XRN1: variants seen among roughly 807,000 people sequenced by gnomAD.
XRN1 encodes the protein 5'-3' exoribonuclease 1.
A neutral mutation model predicts 222.3 loss-of-function variants in XRN1; 67 were observed. That is an observed-to-expected ratio of 0.30 (90% CI 0.25 to 0.37). The LOEUF (loss-of-function observed/expected upper bound fraction) is 0.37, where lower values mean the gene tolerates loss of function less well. Among genes scored for constraint, XRN1 ranks in the 10% least tolerant of loss-of-function variants. XRN1 has a pLI of 1.00. For missense variants in XRN1, 1,707 were observed against 2,000.2 expected (o/e 0.85, Z 2.80); for synonymous variants, 643 against 652.4 (o/e 0.99, Z 0.22).
At chr3:142,313,946 A>C (rs1335265580) in intron 39 of XRN1, among the ~76,000 whole-genome samples, 1 of 152,182 alleles carries the variant, frequency 6.6e-6, no homozygotes, top group African/African-American at 2.4e-5. Context: ...GAAAAGTAGA[A>C]AATTAGGTCT....
At chr3:142,328,964 G>T (rs944300906) in intron 37 of XRN1, among the ~76,000 whole-genome samples, 2 of 151,198 alleles carry the variant, frequency 1.3e-5, no homozygotes, top group African/African-American at 2.4e-5. Flanking sequence ...TTGCTATGTT[G>T]CCCAGGCTGG....
At chr3:142,391,135 A>C (rs1204483025) in intron 20 of XRN1, among the ~76,000 whole-genome samples, 2 of 152,204 alleles carry the variant, frequency 1.3e-5, no homozygotes, top group African/African-American at 4.8e-5. Flanking sequence ...AATTACCAAA[A>C]TGTGACACAC....
At chr3:142,419,307 C>A (rs2068908460) in intron 10 of XRN1, among the ~76,000 whole-genome samples, 2 of 151,946 alleles carry the variant, frequency 1.3e-5, no homozygotes, top group African/African-American at 2.4e-5. Flanking sequence ...GTTGCAGAGC[C>A]CGTTTTCTTA....
At chr3:142,412,287 T>C (rs536971517) in intron 15 of XRN1, among the ~76,000 whole-genome samples, 1 of 152,232 alleles carries the variant, frequency 6.6e-6, no homozygotes, top group Admixed American at 6.5e-5. Context: ...ACTGACTCTT[T>C]TATCTGTATA....
intron 33 of XRN1, among the ~76,000 whole-genome samples, chr3:142,336,515 G>A (rs1417067698): frequency 6.6e-6 from 1 of 151,624 alleles, no homozygotes; most frequent in Non-Finnish European, 1.5e-5. Context: ...GCAGGGGAAG[G>A]GGAATAGTGA....
chr3:142,387,643 A>T (rs989564940), intron 20 of XRN1, among the ~76,000 whole-genome samples: 4 of 152,176 alleles, frequency 2.6e-5, no homozygotes, highest in East Asian at 1.9e-4. Context: ...TTATGTCTTT[A>T]AAAAATGTAT....
intron 39 of XRN1, among the ~76,000 whole-genome samples, chr3:142,314,161 T>G (rs1461476236): frequency 6.6e-6 from 1 of 152,172 alleles, no homozygotes; most frequent in East Asian, 1.9e-4. Flanking sequence ...CAAAATAACT[T>G]TAAAATGTTA....
chr3:142,364,417 C>T (rs1029294921), intron 29 of XRN1, among the ~76,000 whole-genome samples: 1 of 152,024 alleles, frequency 6.6e-6, no homozygotes, highest in African/African-American at 2.4e-5. Flanking sequence ...TTAGCTGCTG[C>T]TTCCTTATTT....
chr3:142,316,345 TAG>T (rs1440347739), intron 39 of XRN1, among the ~76,000 whole-genome samples: 2 of 151,722 alleles, frequency 1.3e-5, no homozygotes, highest in Non-Finnish European at 2.9e-5. Flanking sequence ...GCCTCCCAAG[TAG>T]CTGGGACTAT....
At chr3:142,408,200 AAC>A (rs1465454758) in intron 15 of XRN1, among the ~76,000 whole-genome samples, 1 of 152,250 alleles carries the variant, frequency 6.6e-6, no homozygotes, top group African/African-American at 2.4e-5. Flanking sequence ...TGACACTGTC[AAC>A]ACTATCTTCA....
At position 142,348,277 on chromosome 3, in the gene XRN1, TA is replaced by T. The variant is rs1287769786; in HGVS notation, c.3769-936del. ...AGCACACTTACATTCCCTTCCATGT[TA>T]ATTTTTATTAATCCCATGTTTTATT... is the stretch of plus-strand genomic sequence containing the variant. On this transcript the variant is annotated intron_variant, in intron 32 of 40. Transcript: ENST00000392981. Among the ~76,000 whole-genome samples the T allele has an allele frequency of 2.6e-5, 4 of 152,296 alleles. No homozygotes were observed. The East Asian group carries it at 7.7e-4, about 29-fold the overall frequency.
At position 142,375,996 on chromosome 3, in the gene XRN1, AC is replaced by A. The variant is rs1226443682; in HGVS notation, c.2832-53del. On this transcript the variant is annotated intron_variant, in intron 24 of 40. Transcript: ENST00000392981. The stretch of plus-strand genomic sequence containing the variant: ...CGTGCACACACACACACACACACAC[AC>A]ACACGAGTTTTAAAATGTCGTTCAA... The A allele has an allele frequency of 1.9e-5, 29 of 1,517,108 alleles. No homozygotes were observed. The East Asian group carries it at 6.5e-4, about 34-fold the overall frequency. The allele number at this position is 1,517,108 out of a possible 1,614,324, so 94.0% of individuals were successfully genotyped here.
In XRN1 at chr3:142,379,257, C is replaced by T. The variant is rs531765242; in HGVS notation, c.2715+825G>A. 3.3e-5 allele frequency among the ~76,000 whole-genome samples: 5 copies of T among 152,100 alleles called. No individual in the cohort carries two copies. In the South Asian group the frequency reaches 6.2e-4, roughly 19 times the overall value. ...CTGCACTCCAGCCTGGATGACAGAGCGAAACTCTGTCTCACAAAAAGAAAA... is the reference window on the plus strand; with the variant it reads ...CTGCACTCCAGCCTGGATGACAGAGTGAAACTCTGTCTCACAAAAAGAAAA... On this transcript the variant is annotated intron_variant, in intron 23 of 40. Transcript: ENST00000392981.
In XRN1 at chr3:142,422,836, T is replaced by G; in HGVS notation, c.797A>C (p.Lys266Thr). The change falls in exon 7 of 41, where the codon AAA becomes ACA. Residue 266 changes from lysine to threonine, a missense_variant and splice_region_variant. Physicochemically the swap from Lys to Thr is moderately conservative, Grantham distance 78 (BLOSUM62 -1). Transcript: ENST00000392981. ...EYIDYEFSVL[K>T]EKITFKYDIE... ...GTCCATGGCTTTATTAATACTTACT[T>G]TTAATACTGAAAACTCATAGTCAAT... 6.2e-7 allele frequency: 1 copy of G among 1,604,604 alleles called. No individual in the cohort carries two copies. Among genetic ancestry groups the G allele is most frequent in the Non-Finnish European group, 8.5e-7 (1 of 1,173,680 alleles).
intron 39 of XRN1, 91 bp from the exon 40 acceptor site, chr3:142,312,849 C>CTT: frequency 3.8e-6 from 5 of 1,327,354 alleles, no homozygotes; most frequent in Non-Finnish European, 5.2e-6. Context: ...CCTTTTTGGG[C>CTT]TTTTTTTTTC....
At chr3:142,333,191 A>G in intron 34 of XRN1, 102 bp from the exon 35 acceptor site, 1 of 1,305,322 alleles carries the variant, frequency 7.7e-7, no homozygotes, top group South Asian at 1.6e-5. Flanking sequence ...TTTTCACTCA[A>G]TCATCTTCCC....
chr3:142,381,606 C>T (rs1458081030), intron 22 of XRN1, among the ~76,000 whole-genome samples: 1 of 129,254 alleles, frequency 7.7e-6, no homozygotes, highest in Non-Finnish European at 1.6e-5. Context: ...CTCACTGTGT[C>T]ATCAAGGCTG....
intron 27 of XRN1, among the ~76,000 whole-genome samples, chr3:142,365,711 A>T (rs1480181400): frequency 6.6e-6 from 1 of 152,152 alleles, no homozygotes; most frequent in Non-Finnish European, 1.5e-5. Context: ...GCACAACACA[A>T]GAAATCCTTT....
intron 37 of XRN1, among the ~76,000 whole-genome samples, chr3:142,326,397 G>A (rs976562511): frequency 6.6e-6 from 1 of 151,690 alleles, no homozygotes; most frequent in Non-Finnish European, 1.5e-5. Context: ...TAATTTCTAG[G>A]TATTTTATTT....
Sources: allele counts gnomAD v4.1 joint callset (sites outside exome capture counted in the v4.1 genomes callset), GRCh38; gene constraint gnomAD v4.1.1; transcripts MANE v1.5; gene names NCBI Gene and HGNC (gene_info 2026-07-23, HGNC 2026-07-21).